The following ANTXRL variants were observed in gnomAD, a reference collection of about 807,000 sequenced individuals.
ANTXRL encodes the protein anthrax toxin receptor-like.
ANTXRL carries 63 observed loss-of-function variants against 75.4 expected under a neutral mutation model. The observed-to-expected ratio is 0.84, with a 90% CI of 0.68 to 1.03. The LOEUF (loss-of-function observed/expected upper bound fraction) is 1.03, where lower values mean the gene tolerates loss of function less well. Ranked by LOEUF, ANTXRL falls within the 50% of genes least tolerant of loss-of-function variation. ANTXRL has a pLI of 0.00. For synonymous variants in ANTXRL, 335 were observed against 291.3 expected (o/e 1.15, Z -1.53); for missense variants, 797 against 789.4 (o/e 1.01, Z -0.12).
intron 16 of ANTXRL, among the ~76,000 whole-genome samples, chr10:46,324,685 C>A (rs949214531): frequency 6.6e-6 from 1 of 152,086 alleles, no homozygotes; most frequent in Non-Finnish European, 1.5e-5. Flanking sequence ...ATTTCTCTAT[C>A]ATTTGAGGAA....
chr10:46,325,006 T>A (rs1839147437), intron 16 of ANTXRL, among the ~76,000 whole-genome samples: 1 of 152,162 alleles, frequency 6.6e-6, no homozygotes, highest in African/African-American at 2.4e-5. Context: ...ACAGAGATGA[T>A]CCTTTCACGC....
chr10:46,314,544 G>A (rs539618932), intron 16 of ANTXRL, among the ~76,000 whole-genome samples: 1 of 152,112 alleles, frequency 6.6e-6, no homozygotes, highest in South Asian at 2.1e-4. Flanking sequence ...GGCCAGAAAT[G>A]GCCTTACTGT....
intron 1 of ANTXRL, among the ~76,000 whole-genome samples, chr10:46,288,953 A>G (rs1331824831): frequency 6.6e-6 from 1 of 152,184 alleles, no homozygotes; most frequent in African/African-American, 2.4e-5. Flanking sequence ...GGAGGAGGCA[A>G]TGAGCCAGGT....
At chr10:46,304,313 G>C (rs1159176465) in intron 10 of ANTXRL, among the ~76,000 whole-genome samples, 5 of 152,144 alleles carry the variant, frequency 3.3e-5, no homozygotes, top group Non-Finnish European at 7.3e-5. Context: ...TTCAGGAACG[G>C]TGCCCGGCAC....
At chr10:46,307,089 C>G (rs1252469470) in intron 11 of ANTXRL, among the ~76,000 whole-genome samples, 1 of 152,144 alleles carries the variant, frequency 6.6e-6, no homozygotes, top group Non-Finnish European at 1.5e-5. Context: ...AGGCAGGATG[C>G]AGGAGATGAT....
At chr10:46,318,959 T>A (rs4344430) in intron 16 of ANTXRL, among the ~76,000 whole-genome samples, 12,957 of 151,864 alleles carry the variant, frequency 0.085, 1,822 homozygotes, top group African/African-American at 0.3. Context: ...TGAGGTACAG[T>A]AACAGCTGAA....
chr10:46,307,022 C>G, intron 11 of ANTXRL, 150 bp downstream of exon 11: 2 of 686,472 alleles, frequency 2.9e-6, no homozygotes, highest in Non-Finnish European at 4.8e-6. Flanking sequence ...CCCCACATCC[C>G]TTGTTAGTGA....
chr10:46,305,147 C>T (rs1350193530), intron 10 of ANTXRL, among the ~76,000 whole-genome samples: 3 of 152,174 alleles, frequency 2.0e-5, no homozygotes, highest in Non-Finnish European at 4.4e-5. Flanking sequence ...CCACTGAACA[C>T]GCCTCCCCTG....
Position 46,287,279 on chromosome 10 carries a change from C to T in ANTXRL, c.17C>T (p.Ser6Phe), listed in dbSNP as rs750794572. The change falls in exon 1 of 17, where the codon TCC becomes TTC. Residue 6 changes from serine (S) to phenylalanine (F), a missense_variant. By Grantham distance (155) the Ser-to-Phe change is radical. Around this residue, in one of 3 missense-constraint regions of ANTXRL, gnomAD observed 262 missense variants for 271.9 expected, o/e 0.96. Transcript: ENST00000620264. ...AGCCAGATAATGGGGAGCCATGAGT[C>T]CCTGGGGCCCTACTTCCTGGTCTTC... MGSHE[S>F]LGPYFLVFLL... 1.6e-5 allele frequency: 24 copies of T among 1,535,812 alleles called. No individual in the cohort carries two copies. The highest frequency in any genetic ancestry group is 2.1e-5 in the Non-Finnish European group (24 of 1,146,724).
At position 46,296,324 on chromosome 10, in the gene ANTXRL, T is replaced by G; in HGVS notation, c.508+72T>G. ...TGGGTGTGAGCCTCAGAGAGCTCTG[T>G]GTGCAGAATCTGCAAGGCCACACCT... is the stretch of plus-strand genomic sequence containing the variant. On this transcript the variant is annotated intron_variant, in intron 5 of 16. Coordinates refer to ENST00000620264, the MANE Select transcript of ANTXRL (RefSeq NM_001278688.3). 7.3e-6 allele frequency: 11 copies of G among 1,499,672 alleles called. No individual in the cohort carries two copies. The South Asian group carries it at 1.3e-4, about 18-fold the overall frequency. The allele number at this position is 1,499,672 out of a possible 1,614,324, so 92.9% of individuals were successfully genotyped here.
At position 46,313,259 on chromosome 10, in the gene ANTXRL, C is replaced by A; in HGVS notation, c.1353C>A (p.Asp451Glu). 6.5e-7 allele frequency: 1 copy of A among 1,535,872 alleles called. No individual in the cohort carries two copies. The change falls in exon 16 of 17, where the codon GAC becomes GAA. Residue 451 changes from aspartate (D) to glutamate (E), a missense_variant. Physicochemically the swap from Asp to Glu is conservative, Grantham distance 45 (BLOSUM62 2). This residue lies in a region of ANTXRL where 479 missense variants were observed against 422.0 expected (regional missense o/e 1.14). Coordinates refer to ENST00000620264, the MANE Select transcript of ANTXRL (RefSeq NM_001278688.3). ...RIEGNLDTFCDLSHASCHQVP... is the reference protein window; with the variant it reads ...RIEGNLDTFCELSHASCHQVP... ...AGGGCAATCTGGATACCTTTTGTGACCTCTCTCACGCAAGCTGCCACCAGG... is the reference window on the plus strand; with the variant it reads ...AGGGCAATCTGGATACCTTTTGTGAACTCTCTCACGCAAGCTGCCACCAGG...
intron 2 of ANTXRL, among the ~76,000 whole-genome samples, chr10:46,293,251 G>GT (rs1565014395): frequency 1.0e-4 from 13 of 127,574 alleles, no homozygotes; most frequent in African/African-American, 3.1e-4. Flanking sequence ...CATGTGTGTG[G>GT]GGGGGTGTGT....
chr10:46,319,190 C>T (rs1838870252), intron 16 of ANTXRL, among the ~76,000 whole-genome samples: 2 of 152,172 alleles, frequency 1.3e-5, no homozygotes, highest in African/African-American at 2.4e-5. Context: ...TTTTATTTAA[C>T]AATTTCACTC....
At chr10:46,325,388 G>A (rs1041990778) in intron 16 of ANTXRL, among the ~76,000 whole-genome samples, 1 of 152,112 alleles carries the variant, frequency 6.6e-6, no homozygotes, top group Non-Finnish European at 1.5e-5. Flanking sequence ...AAATGAGAAG[G>A]TCCCTTTGGT....
intron 14 of ANTXRL, among the ~76,000 whole-genome samples, chr10:46,311,271 G>T (rs1400330736): frequency 6.6e-6 from 1 of 152,076 alleles, no homozygotes; most frequent in African/African-American, 2.4e-5. Flanking sequence ...CCCCAGGGCA[G>T]GCCTCTTTCA....
chr10:46,292,490 A>G (rs1414404180), intron 2 of ANTXRL, among the ~76,000 whole-genome samples: 7 of 152,156 alleles, frequency 4.6e-5, no homozygotes, highest in Non-Finnish European at 1.0e-4. Context: ...AGGTTAAAGG[A>G]AAAAACAGGA....
At chr10:46,322,652 G>C (rs1554965815) in intron 16 of ANTXRL, among the ~76,000 whole-genome samples, 1 of 152,106 alleles carries the variant, frequency 6.6e-6, no homozygotes, top group Non-Finnish European at 1.5e-5. Context: ...GGGATGCAGA[G>C]CTTTTAATAG....
At chr10:46,306,942 CA>C in intron 11 of ANTXRL, 70 bp downstream of exon 11, 2 of 1,304,090 alleles carry the variant, frequency 1.5e-6, no homozygotes, top group Non-Finnish European at 2.1e-6. Flanking sequence ...TTGAGGTGTA[CA>C]AAATGTGGAT....
intron 1 of ANTXRL, among the ~76,000 whole-genome samples, chr10:46,289,494 A>G (rs1238497292): frequency 6.6e-6 from 1 of 152,140 alleles, no homozygotes; most frequent in Non-Finnish European, 1.5e-5. Context: ...TTTGGGAGCC[A>G]AGGCAAGAGG....
Sources: gnomAD v4.1 joint callset for allele counts (sites outside exome capture counted in the v4.1 genomes callset) on GRCh38, gnomAD v4.1.1 for gene constraint, gnomAD v4.1.1 regional missense constraint, MANE v1.5 for transcripts, NCBI Gene and HGNC (gene_info 2026-07-23, HGNC 2026-07-21) for gene names.